CPNE4: variants seen among roughly 807,000 people sequenced by gnomAD.
CPNE4 encodes the protein copine 4.
Under a neutral mutation model 67.9 loss-of-function variants are expected in CPNE4, and 25 were observed. The ratio of observed to expected loss-of-function variants is 0.37; its 90% CI spans 0.27 to 0.51. The LOEUF is 0.51. CPNE4 is among the 20% of genes least tolerant of loss of function. CPNE4 has a pLI of 0.93. For missense variants in CPNE4, 464 were observed against 690.8 expected (o/e 0.67, Z 3.68); for synonymous variants, 242 against 244.9 (o/e 0.99, Z 0.11).
intron 1 of CPNE4, among the ~76,000 whole-genome samples, chr3:131,933,422 T>C (rs1216131774): frequency 1.3e-5 from 2 of 152,132 alleles, no homozygotes; most frequent in Non-Finnish European, 2.9e-5. Flanking sequence ...CTGTGCTCTG[T>C]TGGTGAGAAG....
intron 2 of CPNE4, among the ~76,000 whole-genome samples, chr3:131,873,041 A>G (rs2087287088): frequency 6.6e-6 from 1 of 152,242 alleles, no homozygotes; most frequent in Non-Finnish European, 1.5e-5. Flanking sequence ...GCACGGTAAT[A>G]GAAAATAAAT....
At chr3:131,825,693 T>C (rs1387690084) in intron 2 of CPNE4, among the ~76,000 whole-genome samples, 1 of 152,162 alleles carries the variant, frequency 6.6e-6, no homozygotes, top group Non-Finnish European at 1.5e-5. Context: ...ATGAAATTTA[T>C]AAAAGCCTTA....
At chr3:131,925,592 C>A (rs995028914) in intron 1 of CPNE4, 1 of 151,948 alleles carries the variant, frequency 6.6e-6, no homozygotes, top group Non-Finnish European at 1.5e-5. Flanking sequence ...GCCTGAATGA[C>A]AAAATTTGGT....
intron 2 of CPNE4, among the ~76,000 whole-genome samples, chr3:131,764,199 T>A (rs541707885): frequency 6.6e-6 from 1 of 151,660 alleles, no homozygotes; most frequent in Non-Finnish European, 1.5e-5. Context: ...GGAAAAATGC[T>A]CAAAATATGC....
chr3:131,534,216 C>T lies in CPNE4; in HGVS notation c.*979G>A, dbSNP rs1206668976. The T allele has an allele frequency of 6.6e-6, 1 of 152,206 alleles. No individual in the cohort carries two copies. The highest frequency in any genetic ancestry group is 1.5e-5 in the Non-Finnish European group (1 of 68,082). The allele number at this position is 152,206 out of a possible 1,614,324, so 9.4% of individuals were successfully genotyped here. On this transcript the variant is annotated 3_prime_UTR_variant, in exon 16 of 16. Coordinates refer to ENST00000429747, the MANE Select transcript of CPNE4 (RefSeq NM_130808.3). ...GGGCAGGGACTGGCCAGGAGGAGCACTTTCTAGTCTTATCTAAGGAAGAGG... is the reference window on the plus strand; with the variant it reads ...GGGCAGGGACTGGCCAGGAGGAGCATTTTCTAGTCTTATCTAAGGAAGAGG...
In CPNE4 at chr3:131,712,392, T is replaced by C. The variant is rs183677871; in HGVS notation, c.360+11054A>G. 5.9e-5 allele frequency among the ~76,000 whole-genome samples: 9 copies of C among 152,334 alleles called. No homozygotes were observed. The East Asian group carries it at 1.5e-3, about 26-fold the overall frequency. On this transcript the variant is annotated intron_variant, in intron 3 of 15. Transcript: ENST00000429747. ...GTAAAGAAATGGGTACTTTAATAGT[T>C]AGGACCATATTTTTAATCCCCTGTT... is the stretch of plus-strand genomic sequence containing the variant.
chr3:131,642,818 T>C (rs150178123), intron 7 of CPNE4, among the ~76,000 whole-genome samples: 1,854 of 152,326 alleles, frequency 0.012, 47 homozygotes, highest in African/African-American at 0.042. Context: ...TCCCCAGCCC[T>C]GCAGAACTGT....
intron 5 of CPNE4, among the ~76,000 whole-genome samples, chr3:131,693,984 T>C (rs2081091426): frequency 6.6e-6 from 1 of 152,172 alleles, no homozygotes; most frequent in Non-Finnish European, 1.5e-5. Context: ...TTTTCATCTA[T>C]AAAATAAGGC....
chr3:131,636,232 TG>T (rs548730190), intron 7 of CPNE4, among the ~76,000 whole-genome samples: 1 of 152,166 alleles, frequency 6.6e-6, no homozygotes, highest in South Asian at 2.1e-4. Context: ...GCTTGTGGTC[TG>T]GGGCAAGTTC....
chr3:131,750,704 G>GA (rs945085491), intron 2 of CPNE4, among the ~76,000 whole-genome samples: 23 of 152,184 alleles, frequency 1.5e-4, no homozygotes, highest in African/African-American at 4.8e-4. Context: ...TTCAGGAGGA[G>GA]AAAAAATGCC....
At chr3:131,778,745 C>G (rs2083355052) in intron 2 of CPNE4, among the ~76,000 whole-genome samples, 1 of 152,040 alleles carries the variant, frequency 6.6e-6, no homozygotes, top group Non-Finnish European at 1.5e-5. Context: ...GAGAATACAG[C>G]CCAGGGGGAT....
chr3:131,892,318 A>G (rs1190593378), intron 2 of CPNE4, among the ~76,000 whole-genome samples: 1 of 152,150 alleles, frequency 6.6e-6, no homozygotes, highest in Non-Finnish European at 1.5e-5. Context: ...TGCCACCTTG[A>G]AACCAGACCC....
At chr3:131,694,165 A>G (rs569421816) in intron 5 of CPNE4, among the ~76,000 whole-genome samples, 17 of 152,276 alleles carry the variant, frequency 1.1e-4, no homozygotes, top group African/African-American at 4.1e-4. Context: ...GTATGTAGAA[A>G]CTAGTGACTT....
At chr3:131,547,855 G>T (rs1326821661) in intron 14 of CPNE4, among the ~76,000 whole-genome samples, 1 of 152,164 alleles carries the variant, frequency 6.6e-6, no homozygotes, top group African/African-American at 2.4e-5. Context: ...GTTTCTTATG[G>T]ATAGCTATGG....
intron 2 of CPNE4, among the ~76,000 whole-genome samples, chr3:131,862,259 G>A (rs890614528): frequency 1.3e-5 from 2 of 152,002 alleles, no homozygotes; most frequent in African/African-American, 4.8e-5. Flanking sequence ...AGAGTACCAC[G>A]ACAATATTTC....
intron 8 of CPNE4, among the ~76,000 whole-genome samples, chr3:131,581,938 T>C (rs1937864996): frequency 6.6e-6 from 1 of 152,234 alleles, no homozygotes; most frequent in African/African-American, 2.4e-5. Flanking sequence ...GAATGTCTTC[T>C]CTGCAAAATG....
At chr3:131,845,954 A>G (rs2085981109) in intron 2 of CPNE4, among the ~76,000 whole-genome samples, 1 of 152,220 alleles carries the variant, frequency 6.6e-6, no homozygotes, top group African/African-American at 2.4e-5. Flanking sequence ...AAACATTGCC[A>G]GTTTGCATCC....
intron 2 of CPNE4, among the ~76,000 whole-genome samples, chr3:131,862,980 T>C (rs1388985280): frequency 2.0e-5 from 3 of 147,912 alleles, no homozygotes; most frequent in African/African-American, 4.9e-5. Flanking sequence ...GTCCTTATGA[T>C]AGTTTGCTGA....
chr3:131,754,491 A>G (rs2082707845), intron 2 of CPNE4, among the ~76,000 whole-genome samples: 2 of 152,120 alleles, frequency 1.3e-5, no homozygotes, highest in African/African-American at 4.8e-5. Flanking sequence ...AAAAGTTAAA[A>G]ATATACCTTA....
Sources: allele counts gnomAD v4.1 joint callset (sites outside exome capture counted in the v4.1 genomes callset), GRCh38; gene constraint gnomAD v4.1.1; transcripts MANE v1.5; gene names NCBI Gene and HGNC (gene_info 2026-07-23, HGNC 2026-07-21).